GNAO1: variants seen among roughly 807,000 people sequenced by gnomAD.
GNAO1 encodes G protein subunit alpha o1.
For missense variants in GNAO1, 166 were observed against 478.7 expected (o/e 0.35, Z 6.10); for synonymous variants, 164 against 180.7 (o/e 0.91, Z 0.74).
chr16:56,206,416 T>A, intron 2 of GNAO1, among the ~76,000 whole-genome samples: 1 of 151,722 alleles, frequency 6.6e-6, no homozygotes, highest in East Asian at 1.9e-4. Flanking sequence ...TCATTTTGAA[T>A]GCCGTGGGAG....
At chr16:56,284,040 CA>C (rs1211845034) in intron 3 of GNAO1, among the ~76,000 whole-genome samples, 1 of 152,238 alleles carries the variant, frequency 6.6e-6, no homozygotes, top group Admixed American at 6.5e-5. Flanking sequence ...AGGCTGCTTC[CA>C]GTTACCCAGC....
At chr16:56,223,143 G>A (rs2036506026) in intron 2 of GNAO1, among the ~76,000 whole-genome samples, 1 of 152,224 alleles carries the variant, frequency 6.6e-6, no homozygotes, top group South Asian at 2.1e-4. Context: ...CAAGGTGTCA[G>A]CAGGCTGTGT....
chr16:56,270,821 G>T (rs1201585417), intron 2 of GNAO1: 1 of 152,116 alleles, frequency 6.6e-6, no homozygotes, highest in African/African-American at 2.4e-5. Context: ...AAAAGTATGG[G>T]GTGGGCTTCA....
intron 3 of GNAO1, among the ~76,000 whole-genome samples, chr16:56,320,010 A>G (rs1271313265): frequency 2.6e-5 from 4 of 152,124 alleles, no homozygotes; most frequent in South Asian, 4.1e-4. Context: ...ATATCATTTA[A>G]CCAGAAAGAT....
At chr16:56,229,633 A>T (rs567358578) in intron 2 of GNAO1, among the ~76,000 whole-genome samples, 1 of 152,260 alleles carries the variant, frequency 6.6e-6, no homozygotes, top group South Asian at 2.1e-4. Flanking sequence ...GGATGGATGG[A>T]TGGATGGATG....
chr16:56,245,792 GAAC>G (rs1485732709), intron 2 of GNAO1, among the ~76,000 whole-genome samples: 2 of 152,120 alleles, frequency 1.3e-5, no homozygotes, highest in African/African-American at 4.8e-5. Flanking sequence ...GGCCCATGGA[GAAC>G]AAAAAACATA....
intron 2 of GNAO1, among the ~76,000 whole-genome samples, chr16:56,231,703 G>A (rs1420033212): frequency 6.6e-6 from 1 of 152,170 alleles, no homozygotes; most frequent in East Asian, 1.9e-4. Flanking sequence ...GCTGCTTCAA[G>A]GGGCTCATCT....
intron 3 of GNAO1, among the ~76,000 whole-genome samples, chr16:56,298,875 A>G (rs1462558489): frequency 6.6e-6 from 1 of 151,422 alleles, no homozygotes; most frequent in Non-Finnish European, 1.5e-5. Flanking sequence ...AGATCATGCC[A>G]CTGCACTCCA....
intron 3 of GNAO1, among the ~76,000 whole-genome samples, chr16:56,304,263 T>C (rs1476866529): frequency 6.6e-6 from 1 of 152,230 alleles, no homozygotes; most frequent in Non-Finnish European, 1.5e-5. Flanking sequence ...TCCTCAGGGC[T>C]TTGCCCATGG....
intron 3 of GNAO1, among the ~76,000 whole-genome samples, chr16:56,289,042 G>T (rs925087244): frequency 7.9e-5 from 12 of 151,600 alleles, no homozygotes; most frequent in Admixed American, 2.6e-4. Context: ...AAGGGGGGGG[G>T]AGCGGAAAAA....
chr16:56,351,510 T>C lies in GNAO1; in HGVS notation c.850T>C (p.Leu284=), dbSNP rs748772075. Residue 284 remains leucine (L), a synonymous_variant, in exon 7 of 9, where the codon TTG becomes CTG. Transcript: ENST00000262493. This position sits in a 1 kb window ranked among gnomAD's most constrained non-coding sequence, Gnocchi z 6.1. ...LFGEKIKKSP[L]TICFPEYTGP... is the part of the protein sequence containing the mutation. ...TGGCGAGAAGATCAAGAAGTCACCT[T>C]TGACCATCTGCTTTCCTGAATACAC... 2 of 1,613,518 alleles carry C rather than the reference T, an allele frequency of 1.2e-6. No individual in the cohort carries two copies. The highest frequency in any genetic ancestry group is 3.3e-5 in the Admixed American group (2 of 60,032).
At chr16:56,257,834 TG>T (rs1231606477) in intron 2 of GNAO1, among the ~76,000 whole-genome samples, 3 of 152,334 alleles carry the variant, frequency 2.0e-5, no homozygotes, top group African/African-American at 7.2e-5. Context: ...GCTGGTAGAC[TG>T]AGGGCTGTGG....
chr16:56,204,741 T>C (rs1567437144), intron 2 of GNAO1, among the ~76,000 whole-genome samples: 1 of 152,064 alleles, frequency 6.6e-6, no homozygotes, highest in Non-Finnish European at 1.5e-5. Context: ...AAAGCCAAAC[T>C]CAAAAAATTT....
intron 2 of GNAO1, among the ~76,000 whole-genome samples, chr16:56,272,971 G>A (rs2037031519): frequency 1.3e-5 from 2 of 152,010 alleles, no homozygotes; most frequent in Non-Finnish European, 2.9e-5. Context: ...TCACCCAAAG[G>A]GTCCCACCCT....
At chr16:56,202,057 C>T (rs1480238723) in intron 2 of GNAO1, among the ~76,000 whole-genome samples, 1 of 152,046 alleles carries the variant, frequency 6.6e-6, no homozygotes, top group Non-Finnish European at 1.5e-5. Context: ...ATTCCAGCTC[C>T]AGGAAATGAG....
intron 4 of GNAO1, among the ~76,000 whole-genome samples, chr16:56,330,579 AT>A (rs1344750159): frequency 6.6e-6 from 1 of 152,020 alleles, no homozygotes; most frequent in Non-Finnish European, 1.5e-5. Context: ...ACTTCCATTT[AT>A]TTGTCCCAGT....
At chr16:56,224,061 C>G (rs572789032) in intron 2 of GNAO1, among the ~76,000 whole-genome samples, 83 of 152,322 alleles carry the variant, frequency 5.4e-4, no homozygotes, top group Middle Eastern at 6.8e-3. Flanking sequence ...GAAGCGGGGC[C>G]TGCCTCAGAA....
intron 3 of GNAO1, among the ~76,000 whole-genome samples, chr16:56,321,190 G>A (rs889017588): frequency 7.9e-5 from 12 of 152,326 alleles, no homozygotes; most frequent in African/African-American, 2.9e-4. Context: ...GGCATAATAG[G>A]ACTATTTGGG....
At chr16:56,299,921 C>T (rs1204359191) in intron 3 of GNAO1, among the ~76,000 whole-genome samples, 1 of 152,178 alleles carries the variant, frequency 6.6e-6, no homozygotes, top group South Asian at 2.1e-4. Flanking sequence ...TTAGAAACCA[C>T]TCAGATGCCT....
Sources: gnomAD v4.1 joint callset for allele counts (sites outside exome capture counted in the v4.1 genomes callset) on GRCh38, gnomAD v4.1.1 for gene constraint, Gnocchi (gnomAD v3.1) non-coding constraint, MANE v1.5 for transcripts, NCBI Gene and HGNC (gene_info 2026-07-23, HGNC 2026-07-21) for gene names.